Variants in NLGN1 observed in about 807,000 individuals in gnomAD.
The protein encoded by NLGN1 is neuroligin-1.
In NLGN1, 12 loss-of-function variants were observed where a neutral mutation model predicts 65.5. The ratio of observed to expected loss-of-function variants is 0.18; its 90% CI spans 0.12 to 0.30. The LOEUF is 0.30. Ranked by LOEUF, NLGN1 falls within the 10% of genes least tolerant of loss-of-function variation. The pLI, the probability that NLGN1 is intolerant of heterozygous loss-of-function variation, is 1.00. For synonymous variants in NLGN1, 350 were observed against 359.5 expected (o/e 0.97, Z 0.30); for missense variants, 750 against 1,007.1 (o/e 0.74, Z 3.46).
chr3:173,656,325 G>C (rs1760028189), intron 3 of NLGN1, among the ~76,000 whole-genome samples: 1 of 152,090 alleles, frequency 6.6e-6, no homozygotes, highest in African/African-American at 2.4e-5. Context: ...GTTAATTAGA[G>C]CTCATAACTA....
At chr3:173,478,695 C>T (rs145453585) in intron 2 of NLGN1, among the ~76,000 whole-genome samples, 23 of 152,030 alleles carry the variant, frequency 1.5e-4, no homozygotes, top group African/African-American at 4.3e-4. Flanking sequence ...CTAAGGAGGG[C>T]GGATCACATG....
At chr3:174,088,358 CA>C (rs1743817725) in intron 4 of NLGN1, among the ~76,000 whole-genome samples, 1 of 152,156 alleles carries the variant, frequency 6.6e-6, no homozygotes, top group Non-Finnish European at 1.5e-5. Flanking sequence ...GGACATGTTA[CA>C]AGTTCCCATT....
intron 4 of NLGN1, among the ~76,000 whole-genome samples, chr3:174,254,508 C>A (rs1055429767): frequency 2.0e-5 from 3 of 151,994 alleles, no homozygotes; most frequent in Admixed American, 6.5e-5. Flanking sequence ...AATACTTACA[C>A]CATTCTTGGT....
intron 3 of NLGN1, among the ~76,000 whole-genome samples, chr3:173,653,869 C>T (rs1465807605): frequency 6.6e-6 from 1 of 152,092 alleles, no homozygotes; most frequent in Admixed American, 6.6e-5. Context: ...TCTTAGGACC[C>T]AGACACCATG....
At chr3:174,088,571 A>G (rs965408955) in intron 4 of NLGN1, among the ~76,000 whole-genome samples, 10 of 151,746 alleles carry the variant, frequency 6.6e-5, no homozygotes, top group Non-Finnish European at 1.5e-4. Flanking sequence ...CCTGGCTAAC[A>G]GTGAAACCCC....
rs542359141 is a variant in NLGN1 at position 174,049,114 on chromosome 3, A to G, written c.647-226201A>G. Among the ~76,000 whole-genome samples, 4 of 152,228 alleles carry G rather than the reference A, an allele frequency of 2.6e-5. No homozygotes were observed. In the South Asian group the frequency reaches 8.3e-4, roughly 32 times the overall value. ...AGACAAGATTAAAGAAGGGAGGAGG[A>G]GTAAAGTATTTTTGAATGTCAGAAA... is the stretch of plus-strand genomic sequence containing the variant. On this transcript the variant is annotated intron_variant, in intron 4 of 6. Coordinates refer to ENST00000457714, the Ensembl canonical transcript of NLGN1.
intron 4 of NLGN1, among the ~76,000 whole-genome samples, chr3:174,251,929 C>T (rs960599272): frequency 1.3e-5 from 2 of 152,012 alleles, no homozygotes; most frequent in Admixed American, 6.6e-5. Context: ...CTGGCTTAAG[C>T]TACGTAGATA....
At chr3:173,830,423 A>G (rs1055687932) in intron 4 of NLGN1, among the ~76,000 whole-genome samples, 3 of 152,190 alleles carry the variant, frequency 2.0e-5, no homozygotes, top group Non-Finnish European at 2.9e-5. Flanking sequence ...AGTGCACAAC[A>G]GGCAAGTTAT....
chr3:173,542,740 C>T (rs1739106494), intron 2 of NLGN1, among the ~76,000 whole-genome samples: 1 of 151,992 alleles, frequency 6.6e-6, no homozygotes, highest in Admixed American at 6.6e-5. Context: ...TCTCATCTCC[C>T]AACTCTGGTA....
intron 4 of NLGN1, among the ~76,000 whole-genome samples, chr3:173,976,012 A>C (rs1304202779): frequency 6.6e-6 from 1 of 152,020 alleles, no homozygotes; most frequent in African/African-American, 2.4e-5. Flanking sequence ...CTACTATACA[A>C]AGTGGGCTAG....
chr3:173,665,307 T>C (rs1761541602), intron 3 of NLGN1, among the ~76,000 whole-genome samples: 1 of 152,108 alleles, frequency 6.6e-6, no homozygotes, highest in Non-Finnish European at 1.5e-5. Context: ...TTCTCCTTCC[T>C]GCCGCCATGT....
chr3:173,415,890 A>AATATATATATATATATATATAT lies in NLGN1; in HGVS notation c.-390+17418_-390+17419insTATATATATATATATATATATA, dbSNP rs149873787. Among the ~76,000 whole-genome samples, 40 of 134,898 alleles carry AATATATATATATATATATATAT rather than the reference A, an allele frequency of 3.0e-4. 2 individuals carry two copies. The highest frequency in any genetic ancestry group is 1.1e-3 in the African/African-American group (35 of 31,340). The allele number at this position is 134,898 out of a possible 152,430, so 88.5% of individuals were successfully genotyped here. On this transcript the variant is annotated intron_variant, in intron 1 of 6. Transcript: ENST00000457714. ...TACCTGTGGAACATTGCAAGGAGTA[A>AATATATATATATATATATATAT]ATATATATATATATAGAGAGAGAGA...
chr3:173,400,216 A>G (rs937410782), intron 1 of NLGN1, among the ~76,000 whole-genome samples: 1 of 152,184 alleles, frequency 6.6e-6, no homozygotes, highest in African/African-American at 2.4e-5. Context: ...ATTATCTGTA[A>G]ATGAAATCAC....
intron 3 of NLGN1, among the ~76,000 whole-genome samples, chr3:173,656,227 C>T (rs1401133605): frequency 6.6e-6 from 1 of 152,122 alleles, no homozygotes; most frequent in Non-Finnish European, 1.5e-5. Context: ...TCCTGCTTCA[C>T]ATATGCCTAA....
chr3:174,208,992 A>G (rs1453201518), intron 4 of NLGN1, among the ~76,000 whole-genome samples: 1 of 151,854 alleles, frequency 6.6e-6, no homozygotes, highest in Non-Finnish European at 1.5e-5. Flanking sequence ...GGCATGGTCT[A>G]GGCTCACCGC....
At chr3:174,174,698 G>A (rs1729130306) in intron 4 of NLGN1, among the ~76,000 whole-genome samples, 1 of 151,758 alleles carries the variant, frequency 6.6e-6, no homozygotes, top group Admixed American at 6.6e-5. Flanking sequence ...ATTTGTTTGA[G>A]TTCTTTGTAG....
In NLGN1 at chr3:174,280,390, T is replaced by A. The variant is rs1165889310; in HGVS notation, c.1650-91T>A. 3 of 832,854 alleles carry A rather than the reference T, an allele frequency of 3.6e-6. No individual in the cohort carries two copies. Among genetic ancestry groups the A allele is most frequent in the South Asian group, 3.6e-5 (2 of 54,968 alleles). The allele number at this position is 832,854 out of a possible 1,614,324, so 51.6% of individuals were successfully genotyped here. On this transcript the variant is annotated intron_variant, in intron 6 of 6. Transcript: ENST00000457714. This position sits in a 1 kb window ranked among gnomAD's most constrained non-coding sequence, Gnocchi z 4.9. ...AAACACAATCTAAAGCATTGCTGAG[T>A]CATCTATTTAATTATTAGATGTTAA... is the stretch of plus-strand genomic sequence containing the variant.
chr3:174,113,439 C>T (rs1165766997), intron 4 of NLGN1, among the ~76,000 whole-genome samples: 1 of 151,932 alleles, frequency 6.6e-6, no homozygotes, highest in African/African-American at 2.4e-5. Context: ...CTTTACTATT[C>T]AATTCAAATG....
chr3:173,622,210 G>GA (rs1754110572), intron 3 of NLGN1, among the ~76,000 whole-genome samples: 1 of 152,046 alleles, frequency 6.6e-6, no homozygotes, highest in Non-Finnish European at 1.5e-5. Flanking sequence ...CAAGATTGAG[G>GA]AATGTATACA....
Sources: allele counts gnomAD v4.1 joint callset (sites outside exome capture counted in the v4.1 genomes callset), GRCh38; gene constraint gnomAD v4.1.1; non-coding constraint Gnocchi (gnomAD v3.1); transcripts MANE v1.5; gene names NCBI Gene and HGNC (gene_info 2026-07-23, HGNC 2026-07-21).